Variants in NFE2L1 observed in about 807,000 individuals in gnomAD.
NFE2L1 encodes the protein endoplasmic reticulum membrane sensor NFE2L1.
A neutral mutation model predicts 61.6 loss-of-function variants in NFE2L1; 18 were observed. That is an observed-to-expected ratio of 0.29 (90% CI 0.20 to 0.43). NFE2L1 has a LOEUF of 0.43. Among genes scored for constraint, NFE2L1 ranks in the 20% least tolerant of loss-of-function variants. The pLI, the probability that NFE2L1 is intolerant of heterozygous loss-of-function variation, is 1.00. For missense variants in NFE2L1, 827 were observed against 973.5 expected, an observed-to-expected ratio of 0.85 and a Z score of 2.00; for synonymous variants, 419 against 402.7, an observed-to-expected ratio of 1.04 and a Z score of -0.48.
rs2037470944 is a variant in NFE2L1, at chr17:48,058,807, C to T, written c.1485C>T (p.Gly495=). The T allele has an allele frequency of 6.2e-7, 1 of 1,614,100 alleles. No individual in the cohort carries two copies. The highest frequency in any genetic ancestry group is 8.5e-7 in the Non-Finnish European group (1 of 1,180,030). ...HSPSSLSSSE[G]SSSSSSSSSS... ...CTTCTTCCCTAAGCAGCTCTGAAGG[C>T]AGTTCTTCCTCTTCTTCCTCCTCCT... Residue 495 remains glycine, a synonymous_variant, in exon 6 of 6, where the codon GGC becomes GGT. Transcript: ENST00000362042.
At chr17:48,055,218 A>G (rs2144373176) in intron 2 of NFE2L1, 4 of 1,280,600 alleles carry the variant, frequency 3.1e-6, no homozygotes, top group Non-Finnish European at 4.0e-6. Flanking sequence ...GGTTAATGGG[A>G]GAAGAATACC....
At chr17:48,054,651 G>A (rs996641540) in intron 2 of NFE2L1, 2 of 1,262,116 alleles carry the variant, frequency 1.6e-6, no homozygotes. Context: ...AACAAGTTTG[G>A]GGGGCGTGGG....
chr17:48,054,747 A>G, intron 2 of NFE2L1: 1 of 1,289,262 alleles, frequency 7.8e-7, no homozygotes, highest in Non-Finnish European at 9.8e-7. Context: ...GTCCCATCTC[A>G]CTGCAGCCTC....
Position 48,058,377 on chromosome 17 carries a change from C to T in NFE2L1, c.1055C>T (p.Ala352Val), listed in dbSNP as rs1156526515. Residue 352 changes from alanine (A) to valine (V), a missense_variant, in exon 6 of 6, where the codon GCC becomes GTC. Coordinates refer to ENST00000362042, the MANE Select transcript of NFE2L1 (RefSeq NM_003204.3). ...GDPLSTNYSL[A>V]PNTPINQNVS... ...CCACTGAGCACCAACTACAGCCTTG[C>T]CCCCAACACTCCCATCAATCAGAAT... 1 of 1,614,122 alleles carries T rather than the reference C, an allele frequency of 6.2e-7. No individual in the cohort carries two copies. Among genetic ancestry groups the T allele is most frequent in the Non-Finnish European group, 8.5e-7 (1 of 1,180,016 alleles).
At position 48,058,858 on chromosome 17, in the gene NFE2L1, C is replaced by T. The variant is rs2037474475; in HGVS notation, c.1536C>T (p.Ser512=). The T allele has an allele frequency of 1.9e-6, 3 of 1,613,644 alleles. No homozygotes were observed. Among genetic ancestry groups the T allele is most frequent in the African/African-American group, 2.7e-5 (2 of 74,900 alleles). The change falls in exon 6 of 6, where the codon TCC becomes TCT. Residue 512 remains serine, a synonymous_variant. Transcript: ENST00000362042. ...CTTCCTCTTCTTCCTCTGCTTCTTCCTCTGCCTCTTCCTCCTTTTCTGAGG... is the reference window on the plus strand; with the variant it reads ...CTTCCTCTTCTTCCTCTGCTTCTTCTTCTGCCTCTTCCTCCTTTTCTGAGG... ...SSSSSSSSAS[S]SASSSFSEEG...
chr17:48,048,813 G>T (rs2037158588), intron 1 of NFE2L1: 1 of 152,786 alleles, frequency 6.5e-6, no homozygotes, highest in African/African-American at 2.4e-5. Flanking sequence ...CTGGAGGCTA[G>T]AAGCTCCGGC....
intron 5 of NFE2L1, 75 bp downstream of exon 5, chr17:48,057,577 C>T (rs1446396226): frequency 6.6e-7 from 1 of 1,518,090 alleles, no homozygotes; most frequent in African/African-American, 1.4e-5. Context: ...GCTTTTCCAT[C>T]TCCAAGGAGA....
Position 48,058,894 on chromosome 17 carries a change from T to A in NFE2L1, c.1572T>A (p.Val524=), listed in dbSNP as rs761037218. Residue 524 remains valine (V), a synonymous_variant, in exon 6 of 6, where the codon GTT becomes GTA. Coordinates refer to ENST00000362042, the MANE Select transcript of NFE2L1 (RefSeq NM_003204.3). ...CCTCCTTTTCTGAGGAAGGTGCGGT[T>A]GGCTACAGCTCTGACTCTGAGACCC... ...ASSSFSEEGA[V]GYSSDSETLD... is the part of the protein sequence containing the mutation. 6.2e-7 allele frequency: 1 copy of A among 1,613,876 alleles called. No individual in the cohort carries two copies. The highest frequency in any genetic ancestry group is 1.1e-5 in the South Asian group (1 of 91,084).
rs140314190 is a variant in NFE2L1 at position 48,059,373 on chromosome 17, G to A, written c.2051G>A (p.Arg684His). 4.1e-4 allele frequency: 656 copies of A among 1,614,112 alleles called. 1 individual carries two copies. The highest frequency in any genetic ancestry group is 5.0e-4 in the Non-Finnish European group (592 of 1,180,062). Residue 684 changes from arginine (R) to histidine (H), a missense_variant, in exon 6 of 6, where the codon CGT becomes CAT. Coordinates refer to ENST00000362042, the MANE Select transcript of NFE2L1 (RefSeq NM_003204.3). The surrounding 1 kb of genome is among the most constrained non-coding windows in gnomAD (Gnocchi z 6.1). Reference sequence around the variant, plus strand: ...CTGGACACCATCCTGAATCTGGAGCGTGATGTGGAGGACCTGCAGCGTGAC... The same window carrying A: ...CTGGACACCATCCTGAATCTGGAGCATGATGTGGAGGACCTGCAGCGTGAC... ...RKLDTILNLERDVEDLQRDKA... is the reference protein window; with the variant it reads ...RKLDTILNLEHDVEDLQRDKA...
rs1181993425 is a variant in NFE2L1, at chr17:48,058,213, C to G, written c.973-82C>G. The G allele has an allele frequency of 8.7e-6, 13 of 1,498,878 alleles. No homozygotes were observed. In the East Asian group the frequency reaches 2.7e-4, roughly 32 times the overall value. 92.8% of individuals were successfully genotyped at this position (1,498,878 alleles called of 1,614,324 possible). On this transcript the variant is annotated intron_variant, in intron 5 of 5. Coordinates refer to ENST00000362042, the MANE Select transcript of NFE2L1 (RefSeq NM_003204.3). ...TGCCTTTACACCCATGCAGCTGTGCCTCTGTTGGGTGCCTGCAGTGTGTGA... is the reference window on the plus strand; with the variant it reads ...TGCCTTTACACCCATGCAGCTGTGCGTCTGTTGGGTGCCTGCAGTGTGTGA...
chr17:48,055,435 G>A (rs1019381071), intron 2 of NFE2L1, among the ~76,000 whole-genome samples: 1 of 152,106 alleles, frequency 6.6e-6, no homozygotes, highest in Admixed American at 6.5e-5. Flanking sequence ...GTGGCAGTTG[G>A]TGCAGCAACT....
chr17:48,048,493 G>A (rs1250005396), intron 1 of NFE2L1, 31 bp downstream of exon 1: 1 of 153,150 alleles, frequency 6.5e-6, no homozygotes, highest in Non-Finnish European at 1.5e-5. Context: ...TTTCCCAGAA[G>A]GGAGGGTTGC....
At chr17:48,056,878 T>C (rs1466797239) in intron 3 of NFE2L1, among the ~76,000 whole-genome samples, 154 bp from the exon 4 acceptor site, 1 of 151,892 alleles carries the variant, frequency 6.6e-6, no homozygotes, top group Admixed American at 6.6e-5. Flanking sequence ...TCTTTCACTC[T>C]CTTCTGTTGT....
Position 48,059,441 on chromosome 17 carries a change from C to A in NFE2L1, c.2119C>A (p.Leu707Met), listed in dbSNP as rs1371308313. 3 of 1,614,206 alleles carry A rather than the reference C, an allele frequency of 1.9e-6. No homozygotes were observed. The South Asian group carries it at 3.3e-5, about 18-fold the overall frequency. The stretch of plus-strand genomic sequence containing the variant: ...GGAGAAAGTGGAGTTCCTGCGCTCC[C>A]TGCGACAGATGAAGCAGAAGGTCCA... ...LREKVEFLRS[L>M]RQMKQKVQSL... The change falls in exon 6 of 6, where the codon CTG becomes ATG. Residue 707 changes from leucine to methionine, a missense_variant. Around this residue, in one of 3 missense-constraint regions of NFE2L1, gnomAD observed 86 missense variants for 97.3 expected, o/e 0.88. Coordinates refer to ENST00000362042, the MANE Select transcript of NFE2L1 (RefSeq NM_003204.3). The surrounding 1 kb of genome is among the most constrained non-coding windows in gnomAD (Gnocchi z 6.1).
Position 48,051,252 on chromosome 17 carries a change from G to A in NFE2L1, c.134G>A (p.Gly45Glu). The A allele has an allele frequency of 6.2e-7, 1 of 1,614,056 alleles. No homozygotes were observed. Among genetic ancestry groups the A allele is most frequent in the Non-Finnish European group, 8.5e-7 (1 of 1,180,002 alleles). ...CCCCCACTCCGGGAGATCATCCTGG[G>A]GCCCAGTTCTGCCTATACTCAGACC... Reference protein sequence around the residue: ...QLPPLREIILGPSSAYTQTQF... With the variant: ...QLPPLREIILEPSSAYTQTQF... The change falls in exon 2 of 6, where the codon GGG becomes GAG. Residue 45 changes from glycine to glutamate, a missense_variant. Coordinates refer to ENST00000362042, the MANE Select transcript of NFE2L1 (RefSeq NM_003204.3).
rs1005171485 is a variant in NFE2L1 at position 48,058,997 on chromosome 17, C to G, written c.1675C>G (p.Pro559Ala). 6.2e-7 allele frequency: 1 copy of G among 1,614,078 alleles called. No individual in the cohort carries two copies. The highest frequency in any genetic ancestry group is 1.6e-4 in the Middle Eastern group (1 of 6,062). ...SKFCRMSYQD[P>A]AQLSCLPYLE... ...GTTCTGCCGCATGAGCTACCAGGAT[C>G]CAGCTCAGCTCTCATGCCTGCCCTA... Residue 559 changes from proline (P) to alanine (A), a missense_variant, in exon 6 of 6, where the codon CCA (proline) becomes GCA (alanine). Coordinates refer to ENST00000362042, the MANE Select transcript of NFE2L1 (RefSeq NM_003204.3).
intron 2 of NFE2L1, 104 bp from the exon 3 acceptor site, chr17:48,056,282 C>A: frequency 7.4e-7 from 1 of 1,350,384 alleles, no homozygotes; most frequent in Non-Finnish European, 1.0e-6. Context: ...GGGAGGGGCC[C>A]CACCCAGGAC....
chr17:48,051,332 A>G lies in NFE2L1; in HGVS notation c.214A>G (p.Ile72Val), dbSNP rs199935106. The G allele has an allele frequency of 3.1e-6, 5 of 1,614,148 alleles. No individual in the cohort carries two copies. Among genetic ancestry groups the G allele is most frequent in the Admixed American group, 3.3e-5 (2 of 60,024 alleles). The change falls in exon 2 of 6, where the codon ATA (isoleucine) becomes GTA (valine). Residue 72 changes from isoleucine (I) to valine (V), a missense_variant. Transcript: ENST00000362042. ...LDGYGIHPKS[I>V]DLDNYFTARR... Reference sequence around the variant, plus strand: ...TGGCTATGGTATCCACCCCAAGAGCATAGACCTGGACAATTACTTCACTGC... The same window carrying G: ...TGGCTATGGTATCCACCCCAAGAGCGTAGACCTGGACAATTACTTCACTGC...
chr17:48,051,665 C>T, intron 2 of NFE2L1, 37 bp downstream of exon 2: 6 of 1,552,230 alleles, frequency 3.9e-6, no homozygotes, highest in African/African-American at 1.4e-5. Context: ...GGGCCTGGGG[C>T]TTGGGGGTGG....
Sources: gnomAD v4.1 joint callset for allele counts (sites outside exome capture counted in the v4.1 genomes callset) on GRCh38, gnomAD v4.1.1 for gene constraint, gnomAD v4.1.1 regional missense constraint, Gnocchi (gnomAD v3.1) non-coding constraint, MANE v1.5 for transcripts, NCBI Gene and HGNC (gene_info 2026-07-23, HGNC 2026-07-21) for gene names.